SLC5A4: variants seen among roughly 807,000 people sequenced by gnomAD.
SLC5A4 encodes solute carrier family 5 member 4.
SLC5A4 carries 55 observed loss-of-function variants against 70.3 expected under a neutral mutation model. The observed-to-expected ratio is 0.78, with a 90% CI of 0.63 to 0.98. SLC5A4 has a LOEUF of 0.98. SLC5A4 is among the 50% of genes least tolerant of loss of function. The probability of loss-of-function intolerance (pLI) is 0.00; values close to 1 mark genes in which losing one functional copy is unlikely to be tolerated. For synonymous variants in SLC5A4, 268 were observed against 305.7 expected, an observed-to-expected ratio of 0.88 and a Z score of 1.29; for missense variants, 735 against 839.2, an observed-to-expected ratio of 0.88 and a Z score of 1.53.
At chr22:32,341,401 C>G in the SLC5A4 span, among the ~76,000 whole-genome samples, 1 of 152,020 alleles carries the variant, frequency 6.6e-6, no homozygotes, top group Non-Finnish European at 1.5e-5. Flanking sequence ...TTCCCCTCAG[C>G]CCCTCCCTCC....
chr22:32,340,087 C>G, the SLC5A4 span, among the ~76,000 whole-genome samples: 4 of 152,320 alleles, frequency 2.6e-5, no homozygotes, highest in South Asian at 8.3e-4. Context: ...TTCACCAGAC[C>G]TTAGTTCCAA....
At chr22:32,324,245 G>GTATA in the SLC5A4 span, among the ~76,000 whole-genome samples, 2 of 136,058 alleles carry the variant, frequency 1.5e-5, no homozygotes, top group Non-Finnish European at 1.6e-5. Context: ...ACATATGTAT[G>GTATA]TGTATATATA....
At chr22:32,291,289 C>T in the SLC5A4 span, among the ~76,000 whole-genome samples, 18 of 150,530 alleles carry the variant, frequency 1.2e-4, no homozygotes, top group Admixed American at 6.0e-4. Flanking sequence ...GATTCTCTTG[C>T]CTCAGCCTCC....
chr22:32,280,909 TC>T, the SLC5A4 span, among the ~76,000 whole-genome samples: 3 of 151,934 alleles, frequency 2.0e-5, no homozygotes, highest in South Asian at 6.2e-4. Flanking sequence ...CCATTCAGGG[TC>T]CCCTTCTCTG....
intron 8 of SLC5A4, among the ~76,000 whole-genome samples, chr22:32,233,632 C>T (rs373005173): frequency 2.0e-5 from 3 of 152,090 alleles, no homozygotes; most frequent in African/African-American, 7.2e-5. Flanking sequence ...ATCTTTCATT[C>T]AATGAGTAAT....
chr22:32,321,254 C>A, the SLC5A4 span, among the ~76,000 whole-genome samples: 506 of 151,524 alleles, frequency 3.3e-3, 5 homozygotes, highest in African/African-American at 0.012. Context: ...CCATTGCACT[C>A]CAGCCTGGGC....
chr22:32,262,133 G>A, the SLC5A4 span, among the ~76,000 whole-genome samples: 10 of 152,144 alleles, frequency 6.6e-5, no homozygotes, highest in African/African-American at 2.4e-4. Flanking sequence ...CAATAAATAC[G>A]AGAGTGCAAA....
chr22:32,300,347 G>A, the SLC5A4 span, among the ~76,000 whole-genome samples: 1 of 151,688 alleles, frequency 6.6e-6, no homozygotes, highest in Non-Finnish European at 1.5e-5. Flanking sequence ...CCAGGTGCGG[G>A]ATATAATCTC....
At chr22:32,307,149 G>A in the SLC5A4 span, among the ~76,000 whole-genome samples, 573 of 110,682 alleles carry the variant, frequency 5.2e-3, 5 homozygotes, top group African/African-American at 0.014. Flanking sequence ...GTACAGTGTC[G>A]TGAATGGTGC....
the SLC5A4 span, among the ~76,000 whole-genome samples, chr22:32,279,230 T>TG: frequency 1.3e-5 from 2 of 152,210 alleles, no homozygotes; most frequent in African/African-American, 4.8e-5. Flanking sequence ...GAGCGGAGAT[T>TG]GCGCCGCTGC....
chr22:32,347,983 C>G, the SLC5A4 span, among the ~76,000 whole-genome samples: 4 of 152,122 alleles, frequency 2.6e-5, no homozygotes, highest in Admixed American at 2.6e-4. Flanking sequence ...CAACACTGAT[C>G]AGCTTCGACA....
the SLC5A4 span, among the ~76,000 whole-genome samples, chr22:32,332,586 CAG>C: frequency 6.6e-6 from 1 of 152,232 alleles, no homozygotes; most frequent in Admixed American, 6.5e-5. Flanking sequence ...GGAGCCTCTG[CAG>C]AGACAGGGCC....
At chr22:32,343,687 A>G in the SLC5A4 span, among the ~76,000 whole-genome samples, 5 of 152,196 alleles carry the variant, frequency 3.3e-5, no homozygotes, top group African/African-American at 1.2e-4. Context: ...TCTCTACCCA[A>G]ACTTTTCAAG....
chr22:32,227,007 G>A (rs542647287), intron 11 of SLC5A4, among the ~76,000 whole-genome samples: 1 of 152,154 alleles, frequency 6.6e-6, no homozygotes, highest in Non-Finnish European at 1.5e-5. Context: ...CCTCAGAGAG[G>A]ACTCCCTGAG....
the SLC5A4 span, among the ~76,000 whole-genome samples, chr22:32,286,429 A>G: frequency 2.0e-5 from 3 of 152,232 alleles, no homozygotes; most frequent in Non-Finnish European, 4.4e-5. Context: ...GTGGAGACAC[A>G]AGATGAAAGT....
the SLC5A4 span, among the ~76,000 whole-genome samples, chr22:32,346,812 A>C: frequency 6.8e-6 from 1 of 147,944 alleles, no homozygotes; most frequent in African/African-American, 2.5e-5. Context: ...TTCATGTCTA[A>C]AACACCAAAA....
At chr22:32,314,835 G>A in the SLC5A4 span, among the ~76,000 whole-genome samples, 14 of 152,214 alleles carry the variant, frequency 9.2e-5, no homozygotes, top group Admixed American at 2.0e-4. Flanking sequence ...GAGAGTGAGC[G>A]AGCTTGTGCA....
chr22:32,246,683 A>C (rs899093115), intron 5 of SLC5A4, among the ~76,000 whole-genome samples: 5 of 151,970 alleles, frequency 3.3e-5, no homozygotes, highest in African/African-American at 1.2e-4. Flanking sequence ...GTGCATCACC[A>C]TGCCTGGCTA....
At chr22:32,287,084 A>G in the SLC5A4 span, among the ~76,000 whole-genome samples, 4 of 152,220 alleles carry the variant, frequency 2.6e-5, no homozygotes, top group Non-Finnish European at 5.9e-5. Context: ...GAGTTACGGT[A>G]CAGGGAACTC....
Sources: gnomAD v4.1 joint callset for allele counts (sites outside exome capture counted in the v4.1 genomes callset) on GRCh38, gnomAD v4.1.1 for gene constraint, MANE v1.5 for transcripts, NCBI Gene and HGNC (gene_info 2026-07-23, HGNC 2026-07-21) for gene names.